PTCHD4: variants seen among roughly 807,000 people sequenced by gnomAD.
PTCHD4 encodes patched domain containing 4.
Under a neutral mutation model 58.1 loss-of-function variants are expected in PTCHD4, and 33 were observed. The ratio of observed to expected loss-of-function variants is 0.57; its 90% CI spans 0.43 to 0.76. The LOEUF is 0.76. Among genes scored for constraint, PTCHD4 ranks in the 30% least tolerant of loss-of-function variants. The pLI, the probability that PTCHD4 is intolerant of heterozygous loss-of-function variation, is 0.00. For synonymous variants in PTCHD4, 478 were observed against 409.6 expected (o/e 1.17, Z -2.02); for missense variants, 1,058 against 1,027.1 (o/e 1.03, Z -0.41).
At chr6:48,059,518 C>T (rs764221253) in intron 3 of PTCHD4, among the ~76,000 whole-genome samples, 101 of 151,858 alleles carry the variant, frequency 6.7e-4, no homozygotes, top group Admixed American at 1.8e-3. Context: ...GGGTGCCTGC[C>T]GTCACAGCTA....
intron 4 of PTCHD4, among the ~76,000 whole-genome samples, chr6:47,940,058 T>G (rs2113922554): frequency 6.6e-6 from 1 of 152,256 alleles, no homozygotes; most frequent in Non-Finnish European, 1.5e-5. Flanking sequence ...AAAGTACTAT[T>G]ATTGTGCAGA....
At chr6:47,988,921 G>A (rs112034295) in intron 4 of PTCHD4, among the ~76,000 whole-genome samples, 15 of 152,340 alleles carry the variant, frequency 9.8e-5, no homozygotes, top group African/African-American at 3.6e-4. Context: ...TGGGTAACAG[G>A]CAGAGGTTGG....
chr6:48,096,139 G>A (rs1332591152), intron 1 of PTCHD4, among the ~76,000 whole-genome samples: 1 of 152,150 alleles, frequency 6.6e-6, no homozygotes, highest in African/African-American at 2.4e-5. Flanking sequence ...GAAGAATACA[G>A]TAGAAGTGCA....
chr6:48,000,718 T>C (rs540513297), intron 4 of PTCHD4, among the ~76,000 whole-genome samples: 1 of 152,308 alleles, frequency 6.6e-6, no homozygotes, highest in African/African-American at 2.4e-5. Flanking sequence ...GTCCATGTAT[T>C]AGGCCTTTCC....
intron 1 of PTCHD4, among the ~76,000 whole-genome samples, chr6:48,082,707 G>A (rs1765188766): frequency 6.6e-6 from 1 of 151,920 alleles, no homozygotes; most frequent in Admixed American, 6.6e-5. Flanking sequence ...TAAACCAAAG[G>A]TTTTTAATCA....
At chr6:48,065,585 C>A (rs1474032727) in intron 3 of PTCHD4, among the ~76,000 whole-genome samples, 1 of 152,128 alleles carries the variant, frequency 6.6e-6, no homozygotes, top group Non-Finnish European at 1.5e-5. Context: ...TTGCTCTCTG[C>A]CAGGGAGTTC....
intron 4 of PTCHD4, among the ~76,000 whole-genome samples, chr6:47,923,918 T>C (rs901500960): frequency 2.6e-5 from 4 of 152,192 alleles, no homozygotes; most frequent in Non-Finnish European, 4.4e-5. Flanking sequence ...CTCTTCTTTC[T>C]GAGTGCCACT....
intron 3 of PTCHD4, among the ~76,000 whole-genome samples, chr6:48,058,076 A>G (rs1764478178): frequency 6.6e-6 from 1 of 152,240 alleles, no homozygotes; most frequent in African/African-American, 2.4e-5. Context: ...AGGTGCCTTT[A>G]AAAGTCACAG....
At chr6:48,095,478 T>A (rs1244919784) in intron 1 of PTCHD4, among the ~76,000 whole-genome samples, 1 of 152,008 alleles carries the variant, frequency 6.6e-6, no homozygotes, top group East Asian at 1.9e-4. Context: ...GGTCAGGAGA[T>A]CGAAACCACT....
intron 1 of PTCHD4, among the ~76,000 whole-genome samples, chr6:48,077,350 T>C (rs1261674488): frequency 6.6e-6 from 1 of 152,248 alleles, no homozygotes; most frequent in East Asian, 1.9e-4. Context: ...TGGCATCTTC[T>C]TCTAGTATAA....
rs140445232 is a variant in PTCHD4 at position 47,856,840 on chromosome 6, C to G, written c.*21463G>C. Among the ~76,000 whole-genome samples, 1 of 152,136 alleles carries G rather than the reference C, an allele frequency of 6.6e-6. No individual in the cohort carries two copies. The highest frequency in any genetic ancestry group is 1.5e-5 in the Non-Finnish European group (1 of 67,988). Reference sequence around the variant, plus strand: ...ATTCATCAGATTAATTTTGTTTTCACATGATTTTCTAATATAAAAAAGCAT... The same window carrying G: ...ATTCATCAGATTAATTTTGTTTTCAGATGATTTTCTAATATAAAAAAGCAT... On this transcript the variant is annotated 3_prime_UTR_variant, in exon 5 of 5. Transcript: ENST00000339488.
intron 3 of PTCHD4, among the ~76,000 whole-genome samples, chr6:48,040,790 A>G (rs538027530): frequency 6.8e-4 from 104 of 152,116 alleles, no homozygotes; most frequent in African/African-American, 2.5e-3. Context: ...CTCATAATGG[A>G]TGGAGTTAAG....
At chr6:47,942,013 A>G (rs1235765055) in intron 4 of PTCHD4, among the ~76,000 whole-genome samples, 3 of 152,330 alleles carry the variant, frequency 2.0e-5, no homozygotes, top group South Asian at 2.1e-4. Flanking sequence ...CAGCAATTGC[A>G]CAATTTGGAA....
At chr6:48,077,255 A>G (rs575189850) in intron 1 of PTCHD4, among the ~76,000 whole-genome samples, 2 of 152,304 alleles carry the variant, frequency 1.3e-5, no homozygotes, top group East Asian at 1.9e-4. Flanking sequence ...GGAATGATCA[A>G]TGTGGCACCA....
chr6:47,979,396 G>A (rs1007580640), intron 4 of PTCHD4, among the ~76,000 whole-genome samples: 7 of 151,912 alleles, frequency 4.6e-5, no homozygotes, highest in African/African-American at 1.5e-4. Context: ...ACACGGATGT[G>A]TATGGGGTGA....
In PTCHD4 at chr6:47,875,836, T is replaced by C. The variant is rs1043622421; in HGVS notation, c.*2467A>G. On this transcript the variant is annotated 3_prime_UTR_variant, in exon 5 of 5. Coordinates refer to ENST00000339488, the MANE Select transcript of PTCHD4 (RefSeq NM_001384253.1). ...TGTAAATCAGCCTGCCATTCTTCTT[T>C]GCATGCAGAATGGTCTATAGGAACC... Among the ~76,000 whole-genome samples, 5 of 151,776 alleles carry C rather than the reference T, an allele frequency of 3.3e-5. No homozygotes were observed. Among genetic ancestry groups the C allele is most frequent in the Admixed American group, 6.6e-5 (1 of 15,182 alleles).
chr6:47,992,668 A>G (rs1012389145), intron 4 of PTCHD4, among the ~76,000 whole-genome samples: 4 of 152,194 alleles, frequency 2.6e-5, no homozygotes, highest in African/African-American at 7.2e-5. Flanking sequence ...GTATATATAT[A>G]TTTAAGTATA....
intron 3 of PTCHD4, among the ~76,000 whole-genome samples, chr6:48,038,097 A>C (rs982558373): frequency 8.5e-5 from 13 of 152,078 alleles, no homozygotes; most frequent in African/African-American, 2.7e-4. Context: ...TTCCTCTTTC[A>C]GTGAGAATGA....
intron 4 of PTCHD4, among the ~76,000 whole-genome samples, chr6:47,929,476 C>T (rs190649100): frequency 2.7e-4 from 41 of 152,288 alleles, no homozygotes; most frequent in Non-Finnish European, 2.6e-4. Flanking sequence ...CTGAAACTTG[C>T]GGTCATTTTA....
Sources: allele counts gnomAD v4.1 joint callset (sites outside exome capture counted in the v4.1 genomes callset), GRCh38; gene constraint gnomAD v4.1.1; transcripts MANE v1.5; gene names NCBI Gene and HGNC (gene_info 2026-07-23, HGNC 2026-07-21).